ZNF195: variants seen among roughly 807,000 people sequenced by gnomAD.
ZNF195 encodes zinc finger protein 195.
A neutral mutation model predicts 19.5 loss-of-function variants in ZNF195; 11 were observed. That is an observed-to-expected ratio of 0.57 (90% CI 0.36 to 0.94). The LOEUF (loss-of-function observed/expected upper bound fraction) is 0.94. Ranked by LOEUF, ZNF195 falls within the 40% of genes least tolerant of loss-of-function variation. ZNF195 has a pLI of 0.01. For missense variants in ZNF195, 582 were observed against 709.0 expected, an observed-to-expected ratio of 0.82 and a Z score of 2.03; for synonymous variants, 214 against 248.1, an observed-to-expected ratio of 0.86 and a Z score of 1.29.
Position 3,360,480 on chromosome 11 carries a change from T to A in ZNF195, c.528A>T (p.Gly176=). 1 of 1,610,700 alleles carries A rather than the reference T, an allele frequency of 6.2e-7. No homozygotes were observed. Among genetic ancestry groups the A allele is most frequent in the East Asian group, 2.2e-5 (1 of 44,832 alleles). Residue 176 remains glycine (G), a synonymous_variant, in exon 6 of 6, where the codon GGA becomes GGT. Coordinates refer to ENST00000399602, the MANE Select transcript of ZNF195 (RefSeq NM_001130520.3). ...AFPKRILRGY[G]NCGLDNLYLR... is the part of the protein sequence containing the mutation. ...AATATAAATTATCAAGGCCACAATT[T>A]CCATATCCTCTCAGTATTCTTTTTG...
At chr11:3,363,244 G>T (rs1848717300) in intron 3 of ZNF195, 1 of 152,108 alleles carries the variant, frequency 6.6e-6, no homozygotes, top group Non-Finnish European at 1.5e-5. Context: ...AGTAATAAAT[G>T]ATAAAGCAAG....
intron 1 of ZNF195, chr11:3,377,664 TC>T: frequency 8.0e-7 from 1 of 1,244,064 alleles, no homozygotes; most frequent in Admixed American, 2.6e-5. Context: ...GCCCAGGGCA[TC>T]CAGCTGCTCC....
At chr11:3,368,101 T>C (rs111292556) in intron 3 of ZNF195, among the ~76,000 whole-genome samples, 4 of 100,646 alleles carry the variant, frequency 4.0e-5, no homozygotes, top group African/African-American at 1.5e-4. Context: ...AACAAACAAA[T>C]AGTGCTTACT....
At position 3,359,792 on chromosome 11, in the gene ZNF195, C is replaced by T. The variant is rs1396522887; in HGVS notation, c.1216G>A (p.Gly406Arg). 3.1e-6 allele frequency: 5 copies of T among 1,614,154 alleles called. No homozygotes were observed. In the African/African-American group the frequency reaches 6.7e-5, roughly 22 times the overall value. The change falls in exon 6 of 6, where the codon GGA becomes AGA. Residue 406 changes from glycine (G) to arginine (R), a missense_variant. Transcript: ENST00000399602. This position sits in a 1 kb window ranked among gnomAD's most constrained non-coding sequence, Gnocchi z 5.5. ...TCCTCACATTTGAAAGGTTTCCCTC[C>T]AATCTCATTTCTCTGGTGTTTGGAA... Reference protein sequence around the residue: ...NPSKHQRNEIGGKPFKCEECD... With the variant: ...NPSKHQRNEIRGKPFKCEECD...
At chr11:3,370,862 C>T in intron 3 of ZNF195, 113 bp downstream of exon 3, 1 of 999,884 alleles carries the variant, frequency 1.0e-6, no homozygotes. Flanking sequence ...CCCAGGCTCT[C>T]AGAAACCATC....
intron 3 of ZNF195, among the ~76,000 whole-genome samples, chr11:3,366,380 C>T (rs1316868645): frequency 1.3e-5 from 2 of 151,128 alleles, no homozygotes; most frequent in Admixed American, 6.6e-5. Flanking sequence ...TTCTGCAAAT[C>T]AAAGAAAACA....
intron 1 of ZNF195, chr11:3,377,892 T>C: frequency 1.0e-6 from 1 of 987,580 alleles, no homozygotes; most frequent in South Asian, 4.7e-5. Flanking sequence ...TCTGGTAAGG[T>C]GTCTGTGCCT....
At chr11:3,365,611 T>C (rs1178384769) in intron 3 of ZNF195, among the ~76,000 whole-genome samples, 2 of 152,264 alleles carry the variant, frequency 1.3e-5, no homozygotes, top group South Asian at 2.1e-4. Context: ...TTCCCAAAGC[T>C]ACTTTTTGAT....
At chr11:3,377,471 C>T (rs1849521030) in intron 1 of ZNF195, 3 of 673,170 alleles carry the variant, frequency 4.5e-6, no homozygotes, top group South Asian at 5.1e-5. Flanking sequence ...ATTCTGTCTC[C>T]CTTCACAAAT....
At chr11:3,368,320 C>T (rs966395095) in intron 3 of ZNF195, among the ~76,000 whole-genome samples, 1 of 152,156 alleles carries the variant, frequency 6.6e-6, no homozygotes, top group South Asian at 2.1e-4. Context: ...AATGCCTTTC[C>T]AAGAGAATCA....
chr11:3,378,830 C>CGG (rs1357475982), intron 1 of ZNF195, among the ~76,000 whole-genome samples: 1 of 152,172 alleles, frequency 6.6e-6, no homozygotes, highest in East Asian at 1.9e-4. Flanking sequence ...GAAGAGCTGC[C>CGG]GGGGGGACAT....
intron 3 of ZNF195, among the ~76,000 whole-genome samples, chr11:3,370,123 T>TA (rs1849122149): frequency 1.3e-5 from 2 of 151,986 alleles, no homozygotes; most frequent in Non-Finnish European, 2.9e-5. Flanking sequence ...TACTCCAGCA[T>TA]AAAAAAGAAT....
chr11:3,361,863 C>A lies in ZNF195; in HGVS notation c.253G>T (p.Ala85Ser), dbSNP rs780920896. The A allele has an allele frequency of 5.9e-5, 29 of 492,378 alleles. No homozygotes were observed. The highest frequency in any genetic ancestry group is 2.3e-5 in the Non-Finnish European group (6 of 259,130). The allele number at this position is 492,378 out of a possible 1,614,324, so 30.5% of individuals were successfully genotyped here. Residue 85 changes from alanine to serine, a missense_variant, in exon 4 of 6, where the codon GCT (alanine) becomes TCT (serine). This residue lies in a region of ZNF195 where 129 missense variants were observed against 112.1 expected (regional missense o/e 1.15). Transcript: ENST00000399602. ...PEMGFHHATQ[A>S]CLELLGSSDL... ...CTTGAGCCCAGGAGTTCAAGACAAG[C>A]CTGAGTAGCATGGTGAAATCCCATC... is the stretch of plus-strand genomic sequence containing the variant.
intron 2 of ZNF195, 151 bp downstream of exon 2, chr11:3,371,426 T>C (rs1849205473): frequency 9.6e-7 from 1 of 1,043,744 alleles, no homozygotes; most frequent in African/African-American, 1.6e-5. Flanking sequence ...GATTTTTTTT[T>C]TTTTTACATC....
intron 3 of ZNF195, chr11:3,366,623 C>T (rs1047307235): frequency 6.6e-6 from 1 of 152,646 alleles, no homozygotes; most frequent in African/African-American, 2.4e-5. Context: ...AAATGCAAAA[C>T]AAAATCACAA....
At position 3,359,272 on chromosome 11, in the gene ZNF195, T is replaced by C; in HGVS notation, c.1736A>G (p.Lys579Arg). The change falls in exon 6 of 6, where the codon AAA becomes AGA. Residue 579 changes from lysine (K) to arginine (R), a missense_variant. Lys to Arg is a conservative substitution (Grantham distance 26). Transcript: ENST00000399602. This position sits in a 1 kb window ranked among gnomAD's most constrained non-coding sequence, Gnocchi z 5.5. ...KKTHTGEKPY[K>R]CDECGKNFTQ... ...AAAGTTTTTTCCACATTCGTCACAT[T>C]TGTAGGGTTTCTCTCCAGTATGGGT... 6.2e-7 allele frequency: 1 copy of C among 1,614,070 alleles called. No individual in the cohort carries two copies. Among genetic ancestry groups the C allele is most frequent in the Non-Finnish European group, 8.5e-7 (1 of 1,179,986 alleles).
intron 3 of ZNF195, 152 bp downstream of exon 3, chr11:3,370,823 C>T (rs3794190): frequency 0.15 from 94,557 of 633,532 alleles, 9,900 homozygotes; most frequent in East Asian, 0.47. Flanking sequence ...AGACAGAAGA[C>T]GCTCCTAGGG....
At chr11:3,378,046 A>C in intron 1 of ZNF195, 5 of 593,582 alleles carry the variant, frequency 8.4e-6, no homozygotes, top group Non-Finnish European at 1.1e-5. Flanking sequence ...GCAGTGGCTC[A>C]CGACTGTAAT....
intron 1 of ZNF195, chr11:3,373,581 G>A (rs1302161690): frequency 6.5e-7 from 1 of 1,550,376 alleles, no homozygotes; most frequent in Non-Finnish European, 8.7e-7. Context: ...ATTTACCTGA[G>A]CACCAGCCAT....
Sources: gnomAD v4.1 joint callset for allele counts (sites outside exome capture counted in the v4.1 genomes callset) on GRCh38, gnomAD v4.1.1 for gene constraint, gnomAD v4.1.1 regional missense constraint, Gnocchi (gnomAD v3.1) non-coding constraint, MANE v1.5 for transcripts, NCBI Gene and HGNC (gene_info 2026-07-23, HGNC 2026-07-21) for gene names.